The following PAK1 variants were observed in gnomAD, a reference collection of about 807,000 sequenced individuals.
The protein encoded by PAK1 is serine/threonine-protein kinase PAK 1.
A neutral mutation model predicts 67.4 loss-of-function variants in PAK1; 29 were observed. The observed-to-expected ratio is 0.43, with a 90% CI of 0.32 to 0.59. PAK1 has a LOEUF of 0.59. Ranked by LOEUF, PAK1 falls within the 20% of genes least tolerant of loss-of-function variation. The pLI, the probability that PAK1 is intolerant of heterozygous loss-of-function variation, is 0.07. For missense variants in PAK1, 337 were observed against 670.7 expected, an observed-to-expected ratio of 0.50 and a Z score of 5.50; for synonymous variants, 223 against 237.4, an observed-to-expected ratio of 0.94 and a Z score of 0.56.
At chr11:77,400,616 G>A (rs1042570459) in intron 1 of PAK1, among the ~76,000 whole-genome samples, 1 of 152,154 alleles carries the variant, frequency 6.6e-6, no homozygotes, top group Non-Finnish European at 1.5e-5. Flanking sequence ...GAGTTTAAGA[G>A]AGTCTTCCAC....
the PAK1 span, among the ~76,000 whole-genome samples, chr11:77,507,874 T>C: frequency 6.6e-6 from 1 of 152,154 alleles, no homozygotes; most frequent in Non-Finnish European, 1.5e-5. Context: ...AAAAAGTATC[T>C]ACTATAAGAT....
intron 5 of PAK1, among the ~76,000 whole-genome samples, chr11:77,360,054 G>A (rs1946575648): frequency 6.6e-6 from 1 of 152,258 alleles, no homozygotes; most frequent in African/African-American, 2.4e-5. Flanking sequence ...TGGTATAGGA[G>A]ATAGACAGGA....
At chr11:77,507,941 A>T in the PAK1 span, among the ~76,000 whole-genome samples, 1 of 152,082 alleles carries the variant, frequency 6.6e-6, no homozygotes, top group Non-Finnish European at 1.5e-5. Flanking sequence ...CATTTGTGTA[A>T]CCACCATCCA....
chr11:77,461,415 A>T (rs1190686160), intron 1 of PAK1, among the ~76,000 whole-genome samples: 1 of 152,232 alleles, frequency 6.6e-6, no homozygotes, highest in African/African-American at 2.4e-5. Flanking sequence ...GATGGACTTC[A>T]TCTAATCAGT....
chr11:77,433,882 G>A lies in PAK1; in HGVS notation c.-22+39670C>T, dbSNP rs183967979. On this transcript the variant is annotated intron_variant, in intron 1 of 14. Coordinates refer to ENST00000356341, the MANE Select transcript of PAK1 (RefSeq NM_002576.5). The stretch of plus-strand genomic sequence containing the variant: ...ATATCCAAGTGGCCAATAAACACAT[G>A]AAAAGATACTCAAAATCATTAGTCT... 4.2e-3 allele frequency among the ~76,000 whole-genome samples: 644 copies of A among 152,254 alleles called. 16 individuals carry two copies. Among genetic ancestry groups the A allele is most frequent in the Non-Finnish European group, 1.0e-3 (68 of 68,008 alleles).
chr11:77,336,391 C>T, intron 12 of PAK1, 109 bp from the exon 13 acceptor site: 1 of 703,708 alleles, frequency 1.4e-6, no homozygotes, highest in Non-Finnish European at 2.3e-6. Context: ...TGGCTTCCAG[C>T]TCTGCTATCC....
intron 11 of PAK1, among the ~76,000 whole-genome samples, chr11:77,338,833 A>G (rs1201627434): frequency 6.6e-6 from 1 of 152,228 alleles, no homozygotes; most frequent in African/African-American, 2.4e-5. Context: ...AAAAGAGCAA[A>G]TATTACATGA....
chr11:77,388,078 T>C (rs1232516769), intron 2 of PAK1, among the ~76,000 whole-genome samples: 1 of 152,246 alleles, frequency 6.6e-6, no homozygotes, highest in East Asian at 1.9e-4. Flanking sequence ...GGATGAAAGA[T>C]AGTTAGATCA....
At chr11:77,328,699 C>T (rs1345885237) in intron 14 of PAK1, among the ~76,000 whole-genome samples, 1 of 152,126 alleles carries the variant, frequency 6.6e-6, no homozygotes, top group Non-Finnish European at 1.5e-5. Flanking sequence ...CTAAAATTGA[C>T]ACCCTTACAT....
At chr11:77,524,015 C>G in the PAK1 span, among the ~76,000 whole-genome samples, 4 of 152,108 alleles carry the variant, frequency 2.6e-5, no homozygotes, top group African/African-American at 9.7e-5. Context: ...TAGAGAGACA[C>G]AGAGAGATGT....
the PAK1 span, among the ~76,000 whole-genome samples, chr11:77,506,197 G>C: frequency 6.6e-6 from 1 of 152,202 alleles, no homozygotes; most frequent in Non-Finnish European, 1.5e-5. Flanking sequence ...CAGCAACCCT[G>C]TAAGAGAGAA....
At chr11:77,342,477 A>AT (rs2136266755) in intron 10 of PAK1, among the ~76,000 whole-genome samples, 1 of 152,154 alleles carries the variant, frequency 6.6e-6, no homozygotes, top group East Asian at 1.9e-4. Flanking sequence ...GACAGCTTTC[A>AT]TTTTTCCATA....
intron 13 of PAK1, 80 bp from the exon 14 acceptor site, chr11:77,332,947 G>A (rs1198902813): frequency 9.8e-6 from 13 of 1,325,210 alleles, no homozygotes; most frequent in Non-Finnish European, 1.4e-5. Flanking sequence ...CTAGAAATAT[G>A]GTCAGCTGCT....
the PAK1 span, among the ~76,000 whole-genome samples, chr11:77,490,087 G>A: frequency 2.0e-5 from 3 of 151,042 alleles, no homozygotes; most frequent in South Asian, 4.2e-4. Flanking sequence ...TGTGGGGAGC[G>A]CCTCTGCCCG....
chr11:77,394,750 G>A (rs1249555836), intron 1 of PAK1, among the ~76,000 whole-genome samples: 1 of 148,622 alleles, frequency 6.7e-6, no homozygotes, highest in Non-Finnish European at 1.5e-5. Flanking sequence ...GAGGCTGAGG[G>A]AGGAGAATTG....
chr11:77,324,098 A>T (rs1939065734), intron 14 of PAK1, among the ~76,000 whole-genome samples: 1 of 152,078 alleles, frequency 6.6e-6, no homozygotes, highest in Admixed American at 6.5e-5. Context: ...TCAACATTTA[A>T]TGACTATTTA....
chr11:77,411,982 G>A (rs1485013748), intron 1 of PAK1: 2 of 152,436 alleles, frequency 1.3e-5, no homozygotes, highest in South Asian at 2.1e-4. Flanking sequence ...GCCGCGTCGG[G>A]GTTGGCGAAA....
At chr11:77,464,989 AGTGTGTGTGTGT>A (rs57578087) in intron 1 of PAK1, among the ~76,000 whole-genome samples, 7 of 148,902 alleles carry the variant, frequency 4.7e-5, no homozygotes, top group Middle Eastern at 3.2e-3. Context: ...TACATGAAAG[AGTGTGTGTGTGT>A]GTGTGTGTGT....
At chr11:77,325,556 C>A (rs1237746735) in intron 14 of PAK1, among the ~76,000 whole-genome samples, 1 of 152,166 alleles carries the variant, frequency 6.6e-6, no homozygotes, top group African/African-American at 2.4e-5. Context: ...GGTCACTAAC[C>A]TTTCAAGAAC....
Sources: allele counts gnomAD v4.1 joint callset (sites outside exome capture counted in the v4.1 genomes callset), GRCh38; gene constraint gnomAD v4.1.1; transcripts MANE v1.5; gene names NCBI Gene and HGNC (gene_info 2026-07-23, HGNC 2026-07-21).